The following CCDC102B variants were observed in gnomAD, a reference collection of about 807,000 sequenced individuals.
The protein encoded by CCDC102B is coiled-coil domain-containing protein 102B.
Under a neutral mutation model 57.4 loss-of-function variants are expected in CCDC102B, and 75 were observed. The observed-to-expected ratio is 1.31, with a 90% CI of 1.08 to 1.58. The LOEUF is 1.58. Among genes scored for constraint, CCDC102B ranks in the 40% most tolerant of loss-of-function variants. The probability of loss-of-function intolerance (pLI) is 0.00; values close to 1 mark genes in which losing one functional copy is unlikely to be tolerated. For missense variants in CCDC102B, 636 were observed against 582.6 expected, an observed-to-expected ratio of 1.09 and a Z score of -0.94; for synonymous variants, 206 against 201.9, an observed-to-expected ratio of 1.02 and a Z score of -0.17.
intron 6 of CCDC102B, among the ~76,000 whole-genome samples, chr18:68,963,335 G>A (rs1002879035): frequency 6.6e-6 from 1 of 151,924 alleles, no homozygotes; most frequent in Non-Finnish European, 1.5e-5. Context: ...TTGGAAGAAG[G>A]TTTTTGTAAA....
intron 6 of CCDC102B, among the ~76,000 whole-genome samples, chr18:69,008,419 C>T (rs1177466267): frequency 6.6e-6 from 1 of 152,110 alleles, no homozygotes; most frequent in Non-Finnish European, 1.5e-5. Flanking sequence ...GTCTAGCTGC[C>T]CAGACCAAAT....
chr18:68,879,061 G>C (rs979979574), intron 5 of CCDC102B, among the ~76,000 whole-genome samples: 1 of 152,006 alleles, frequency 6.6e-6, no homozygotes, highest in African/African-American at 2.4e-5. Context: ...GCAGACCTTC[G>C]CGGTGAGTGT....
At chr18:68,846,522 G>C in intron 4 of CCDC102B, 101 bp downstream of exon 4, 1 of 642,544 alleles carries the variant, frequency 1.6e-6, no homozygotes, top group Non-Finnish European at 2.5e-6. Flanking sequence ...TAAGAGGAAG[G>C]GAGGTTAAAA....
chr18:68,860,547 A>T (rs4891707), intron 4 of CCDC102B, among the ~76,000 whole-genome samples: 1 of 105,798 alleles, frequency 9.5e-6, no homozygotes, highest in Non-Finnish European at 2.1e-5. Context: ...CACCCCTGCC[A>T]CACAGGCCTC....
intron 4 of CCDC102B, among the ~76,000 whole-genome samples, chr18:68,873,560 A>G (rs2039317390): frequency 6.6e-6 from 1 of 152,110 alleles, no homozygotes; most frequent in African/African-American, 2.4e-5. Flanking sequence ...AAGTCTCTTA[A>G]CAACATGGTT....
At chr18:68,811,572 G>A (rs1218189982) in intron 1 of CCDC102B, among the ~76,000 whole-genome samples, 2 of 152,122 alleles carry the variant, frequency 1.3e-5, no homozygotes, top group Non-Finnish European at 2.9e-5. Flanking sequence ...CCAAGTTCTT[G>A]TCACTGCACT....
At chr18:68,945,090 GCC>G (rs2049495775) in intron 6 of CCDC102B, among the ~76,000 whole-genome samples, 3 of 26,754 alleles carry the variant, frequency 1.1e-4, no homozygotes, top group Non-Finnish European at 2.2e-4. Flanking sequence ...CTCTCTCTCT[GCC>G]TCTCTCTCTC....
At chr18:68,911,551 G>A (rs985624517) in intron 6 of CCDC102B, among the ~76,000 whole-genome samples, 1 of 150,052 alleles carries the variant, frequency 6.7e-6, no homozygotes, top group African/African-American at 2.5e-5. Flanking sequence ...AGGAGATCGA[G>A]ACCATCCTGG....
chr18:68,930,863 C>G (rs914457917), intron 6 of CCDC102B, among the ~76,000 whole-genome samples: 1 of 151,504 alleles, frequency 6.6e-6, no homozygotes, highest in Admixed American at 6.6e-5. Context: ...GGTGCAATGT[C>G]AAGAAACCTA....
intron 2 of CCDC102B, among the ~76,000 whole-genome samples, chr18:68,740,057 G>A (rs2145220451): frequency 6.6e-6 from 1 of 152,288 alleles, no homozygotes; most frequent in Middle Eastern, 3.4e-3. Context: ...CTCAACCTCA[G>A]TACTATGGAC....
In CCDC102B at chr18:68,736,230, G is replaced by C. The variant is rs191375682; in HGVS notation, c.-67+19636G>C. On this transcript the variant is annotated intron_variant, in intron 2 of 3. Coordinates refer to the CCDC102B transcript ENST00000578970. ...ATCAAGAGTATAAAACTACCCAGTGGATGTCACTTTTCAGAATGCCTTAAA... is the reference window on the plus strand; with the variant it reads ...ATCAAGAGTATAAAACTACCCAGTGCATGTCACTTTTCAGAATGCCTTAAA... Among the ~76,000 whole-genome samples the C allele has an allele frequency of 2.3e-3, 350 of 152,202 alleles. 2 individuals are homozygous for C. Among genetic ancestry groups the C allele is most frequent in the Middle Eastern group, 0.01 (3 of 294 alleles).
intron 6 of CCDC102B, among the ~76,000 whole-genome samples, chr18:68,936,674 G>C (rs1191649292): frequency 1.3e-5 from 2 of 151,620 alleles, no homozygotes; most frequent in African/African-American, 4.8e-5. Context: ...ATCAAATAAA[G>C]ATGTTCATTT....
At chr18:68,964,620 C>G (rs544533495) in intron 6 of CCDC102B, among the ~76,000 whole-genome samples, 1 of 151,880 alleles carries the variant, frequency 6.6e-6, no homozygotes, top group African/African-American at 2.4e-5. Context: ...TCCATCGTTT[C>G]TCTTTTAAAC....
At chr18:68,891,414 C>T (rs573862354) in intron 5 of CCDC102B, among the ~76,000 whole-genome samples, 4 of 152,286 alleles carry the variant, frequency 2.6e-5, no homozygotes, top group African/African-American at 9.6e-5. Flanking sequence ...ACAGTTTTTG[C>T]TTTTCCATGT....
chr18:69,015,067 A>G (rs1443543772), intron 7 of CCDC102B, among the ~76,000 whole-genome samples: 1 of 152,004 alleles, frequency 6.6e-6, no homozygotes, highest in Non-Finnish European at 1.5e-5. Context: ...GGAGGAATAC[A>G]TTTCCCAAGC....
At chr18:68,887,939 G>T (rs899000203) in intron 5 of CCDC102B, among the ~76,000 whole-genome samples, 1 of 152,110 alleles carries the variant, frequency 6.6e-6, no homozygotes, top group Admixed American at 6.5e-5. Context: ...TGCTAAATGG[G>T]TTTACTTTTT....
At chr18:68,892,729 A>G (rs2040122642) in intron 5 of CCDC102B, among the ~76,000 whole-genome samples, 1 of 152,182 alleles carries the variant, frequency 6.6e-6, no homozygotes, top group African/African-American at 2.4e-5. Context: ...ATTTATTTGG[A>G]TATTACAAAA....
intron 6 of CCDC102B, among the ~76,000 whole-genome samples, chr18:68,921,068 T>C (rs556790210): frequency 6.6e-6 from 1 of 152,272 alleles, no homozygotes; most frequent in East Asian, 1.9e-4. Flanking sequence ...CCTGGTCACC[T>C]TCACCTACTT....
At chr18:68,863,361 GT>G (rs1336966602) in intron 4 of CCDC102B, among the ~76,000 whole-genome samples, 1 of 151,852 alleles carries the variant, frequency 6.6e-6, no homozygotes, top group Non-Finnish European at 1.5e-5. Flanking sequence ...AAAGGGTTTG[GT>G]TTGAATCAAT....
Sources: gnomAD v4.1 joint callset for allele counts (sites outside exome capture counted in the v4.1 genomes callset) on GRCh38, gnomAD v4.1.1 for gene constraint, MANE v1.5 for transcripts, NCBI Gene and HGNC (gene_info 2026-07-23, HGNC 2026-07-21) for gene names.